Variants in UNC13C observed in about 807,000 individuals in gnomAD.
The protein encoded by UNC13C is unc-13 homolog C.
A neutral mutation model predicts 245.4 loss-of-function variants in UNC13C; 174 were observed. The ratio of observed to expected loss-of-function variants is 0.71; its 90% CI spans 0.63 to 0.80. The LOEUF (loss-of-function observed/expected upper bound fraction) is 0.80, where lower values mean the gene tolerates loss of function less well. Ranked by LOEUF, UNC13C falls within the 30% of genes least tolerant of loss-of-function variation. The pLI is 0.00. For missense variants in UNC13C, 2,829 were observed against 2,602.9 expected (o/e 1.09, Z -1.89); for synonymous variants, 992 against 895.1 (o/e 1.11, Z -1.93).
At chr15:54,306,590 A>C (rs1017364972) in intron 13 of UNC13C, among the ~76,000 whole-genome samples, 3 of 151,936 alleles carry the variant, frequency 2.0e-5, no homozygotes, top group African/African-American at 7.2e-5. Context: ...GGGGAATTCT[A>C]TATCAGTCAT....
chr15:54,627,206 A>C lies in UNC13C; in HGVS notation c.*93A>C, dbSNP rs1484083041. 2 of 1,299,734 alleles carry C rather than the reference A, an allele frequency of 1.5e-6. No individual in the cohort carries two copies. The highest frequency in any genetic ancestry group is 3.0e-5 in the African/African-American group (2 of 67,616). 80.5% of individuals were successfully genotyped at this position (1,299,734 alleles called of 1,614,324 possible). A position where few individuals can be genotyped will look rare whatever the true frequency, so the allele number is the denominator to read the frequency against. ...GGAATGTTTAGTTCACTACATTTCAATGTTTGCCAGTACTCATGTACGATG... is the reference window on the plus strand; with the variant it reads ...GGAATGTTTAGTTCACTACATTTCACTGTTTGCCAGTACTCATGTACGATG... On this transcript the variant is annotated 3_prime_UTR_variant, in exon 33 of 33. Coordinates refer to ENST00000260323, the MANE Select transcript of UNC13C (RefSeq NM_001080534.3).
chr15:53,934,733 G>T, the UNC13C span, among the ~76,000 whole-genome samples: 1 of 152,114 alleles, frequency 6.6e-6, no homozygotes, highest in African/African-American at 2.4e-5. Flanking sequence ...CCAGAGCAAG[G>T]CACCGACACA....
the UNC13C span, among the ~76,000 whole-genome samples, chr15:53,873,640 G>C: frequency 1.9e-5 from 2 of 106,942 alleles, no homozygotes; most frequent in East Asian, 2.7e-4. Flanking sequence ...CCTGATGCAC[G>C]AAGTGATTCT....
chr15:54,163,754 C>CCA (rs1172138614), intron 4 of UNC13C, among the ~76,000 whole-genome samples: 1 of 152,102 alleles, frequency 6.6e-6, no homozygotes, highest in African/African-American at 2.4e-5. Context: ...TAAGAGATCA[C>CCA]CATCTTTTTT....
rs1057007878 is a variant in UNC13C at position 54,014,823 on chromosome 15, G to A, written c.1920G>A (p.Arg640=). The change falls in exon 2 of 33, where the codon CGG becomes CGA. Residue 640 remains arginine, a synonymous_variant. Coordinates refer to ENST00000260323, the MANE Select transcript of UNC13C (RefSeq NM_001080534.3). ...SNGMVCASGD[R]SHYSDSQLSL... ...GCATGGTGTGTGCATCTGGAGACCG[G>A]AGTCATTACAGTGATTCTCAGCTCT... 5 of 1,613,876 alleles carry A rather than the reference G, an allele frequency of 3.1e-6. No individual in the cohort carries two copies. Among genetic ancestry groups the A allele is most frequent in the Non-Finnish European group, 4.2e-6 (5 of 1,179,846 alleles).
the UNC13C span, among the ~76,000 whole-genome samples, chr15:53,851,199 G>C: frequency 6.6e-6 from 1 of 151,754 alleles, no homozygotes; most frequent in East Asian, 1.9e-4. Flanking sequence ...CTGGTTATTG[G>C]TGACATTTTT....
At chr15:54,096,836 ATATG>A (rs927380656) in intron 2 of UNC13C, among the ~76,000 whole-genome samples, 4 of 152,184 alleles carry the variant, frequency 2.6e-5, no homozygotes, top group Non-Finnish European at 5.9e-5. Flanking sequence ...TTCTCTCTCT[ATATG>A]TATGTATGTA....
At chr15:54,272,011 C>G (rs2036699866) in intron 10 of UNC13C, among the ~76,000 whole-genome samples, 1 of 152,212 alleles carries the variant, frequency 6.6e-6, no homozygotes. Context: ...AAAAAGCTCT[C>G]TGGCCAACAA....
intron 19 of UNC13C, among the ~76,000 whole-genome samples, chr15:54,434,523 C>G (rs1596369770): frequency 6.6e-6 from 1 of 152,078 alleles, no homozygotes; most frequent in African/African-American, 2.4e-5. Context: ...GGAAAACTGG[C>G]TAGCCATATG....
chr15:54,616,478 G>C (rs539917780), intron 30 of UNC13C, among the ~76,000 whole-genome samples: 4 of 151,946 alleles, frequency 2.6e-5, no homozygotes, highest in Non-Finnish European at 4.4e-5. Context: ...AGTTAGAAAA[G>C]ACTCAAGTTA....
rs184533466 is a variant in UNC13C at position 54,123,899 on chromosome 15, A to G, written c.2984-19119A>G. On this transcript the variant is annotated intron_variant, in intron 2 of 32. Transcript: ENST00000260323. The stretch of plus-strand genomic sequence containing the variant: ...CCTGGCAACTGCTAATGTGTTTTTT[A>G]TCTTTATAATTTTGTCATTCCATGA... Among the ~76,000 whole-genome samples the G allele has an allele frequency of 3.9e-5, 6 of 152,250 alleles. 1 individual carries two copies. The highest frequency in any genetic ancestry group is 1.4e-4 in the African/African-American group (6 of 41,572).
At chr15:53,884,913 G>A in the UNC13C span, among the ~76,000 whole-genome samples, 1 of 152,166 alleles carries the variant, frequency 6.6e-6, no homozygotes. Flanking sequence ...GTTGCCAGAA[G>A]TTCAGGGGAA....
chr15:54,270,572 G>A (rs1281834200), intron 10 of UNC13C, among the ~76,000 whole-genome samples: 1 of 151,922 alleles, frequency 6.6e-6, no homozygotes, highest in Non-Finnish European at 1.5e-5. Flanking sequence ...TGAGCTTCAG[G>A]TCTTTACACT....
intron 17 of UNC13C, among the ~76,000 whole-genome samples, chr15:54,357,839 AAC>A (rs1490813465): frequency 2.0e-5 from 3 of 151,868 alleles, no homozygotes; most frequent in Admixed American, 6.6e-5. Flanking sequence ...TATGAGAAAA[AAC>A]ACACACATAT....
intron 2 of UNC13C, among the ~76,000 whole-genome samples, chr15:54,102,841 A>G (rs928396491): frequency 1.3e-5 from 2 of 152,182 alleles, no homozygotes; most frequent in East Asian, 3.9e-4. Flanking sequence ...AAAGAAGAAC[A>G]TTTGATTGGT....
At chr15:53,894,956 T>C in the UNC13C span, among the ~76,000 whole-genome samples, 11 of 151,852 alleles carry the variant, frequency 7.2e-5, no homozygotes, top group Admixed American at 2.0e-4. Context: ...TAGTATTATA[T>C]TGATAATTAT....
intron 13 of UNC13C, among the ~76,000 whole-genome samples, chr15:54,311,130 T>A (rs553839833): frequency 6.6e-6 from 1 of 151,902 alleles, no homozygotes; most frequent in East Asian, 1.9e-4. Flanking sequence ...ATTATTGTAA[T>A]GACCTGAAAA....
chr15:54,175,369 C>A (rs983366095), intron 4 of UNC13C, among the ~76,000 whole-genome samples: 1 of 152,086 alleles, frequency 6.6e-6, no homozygotes, highest in Non-Finnish European at 1.5e-5. Flanking sequence ...CAATCTGTCT[C>A]CAGTAGCACC....
chr15:54,251,510 T>A (rs1164158245), intron 8 of UNC13C, among the ~76,000 whole-genome samples: 1 of 152,220 alleles, frequency 6.6e-6, no homozygotes, highest in Non-Finnish European at 1.5e-5. Context: ...TTGGTTTTTA[T>A]GACAAGTTAC....
Sources: allele counts gnomAD v4.1 joint callset (sites outside exome capture counted in the v4.1 genomes callset), GRCh38; gene constraint gnomAD v4.1.1; transcripts MANE v1.5; gene names NCBI Gene and HGNC (gene_info 2026-07-23, HGNC 2026-07-21).